The following CLPB variants were observed in gnomAD, a reference collection of about 807,000 sequenced individuals.
CLPB encodes the protein mitochondrial disaggregase.
In CLPB, 40 loss-of-function variants were observed where a neutral mutation model predicts 78.4. The ratio of observed to expected loss-of-function variants is 0.51; its 90% CI spans 0.40 to 0.66. The LOEUF is 0.66. CLPB is among the 30% of genes least tolerant of loss of function. The pLI, the probability that CLPB is intolerant of heterozygous loss-of-function variation, is 0.00. For missense variants in CLPB, 780 were observed against 886.9 expected (o/e 0.88, Z 1.53); for synonymous variants, 333 against 348.0 (o/e 0.96, Z 0.48).
At chr11:72,406,550 T>C (rs767579653) in intron 2 of CLPB, among the ~76,000 whole-genome samples, 1 of 152,190 alleles carries the variant, frequency 6.6e-6, no homozygotes, top group Non-Finnish European at 1.5e-5. Context: ...CCTTGGCATA[T>C]AGCAGGTATT....
rs147103556 is a variant in CLPB at position 72,314,724 on chromosome 11, C to T, written c.988+2382G>A. On this transcript the variant is annotated intron_variant, in intron 7 of 15. Transcript: ENST00000538039. ...GCTAAGTAAAAACCAGCCAGTGTGT[C>T]GGCAATGGGCTGGGGTGGGGTGGGG... 1.9e-3 allele frequency among the ~76,000 whole-genome samples: 287 copies of T among 150,336 alleles called. 1 individual carries two copies. Among genetic ancestry groups the T allele is most frequent in the African/African-American group, 6.5e-3 (270 of 41,264 alleles).
chr11:72,414,559 G>A (rs1041504281), intron 2 of CLPB, among the ~76,000 whole-genome samples: 1 of 152,194 alleles, frequency 6.6e-6, no homozygotes, highest in African/African-American at 2.4e-5. Context: ...TCGGGCAAAG[G>A]TGTGGCCTTC....
chr11:72,370,056 C>T (rs1317028788), intron 4 of CLPB, among the ~76,000 whole-genome samples: 2 of 152,140 alleles, frequency 1.3e-5, no homozygotes, highest in African/African-American at 4.8e-5. Flanking sequence ...TCACTAGGTG[C>T]CTGGAAAATT....
At chr11:72,302,085 T>C (rs1590764525) in intron 10 of CLPB, 121 bp from the exon 11 acceptor site, 1 of 1,137,684 alleles carries the variant, frequency 8.8e-7, no homozygotes, top group East Asian at 2.4e-5. Flanking sequence ...CAGAGATGAT[T>C]GGCTGTCCAT....
intron 6 of CLPB, among the ~76,000 whole-genome samples, chr11:72,320,846 G>T (rs1950031275): frequency 6.6e-6 from 1 of 152,042 alleles, no homozygotes; most frequent in Non-Finnish European, 1.5e-5. Flanking sequence ...CCAAGTAGCT[G>T]GGATTATAGG....
chr11:72,303,230 A>G (rs1013820647), intron 9 of CLPB, among the ~76,000 whole-genome samples: 1 of 152,192 alleles, frequency 6.6e-6, no homozygotes, highest in Non-Finnish European at 1.5e-5. Context: ...CTACTGGCAC[A>G]TGCCTCCATC....
intron 4 of CLPB, among the ~76,000 whole-genome samples, chr11:72,374,925 C>T (rs1467962116): frequency 6.6e-6 from 1 of 152,104 alleles, no homozygotes; most frequent in Non-Finnish European, 1.5e-5. Flanking sequence ...CTCCTAAATC[C>T]CTATCTCCTG....
chr11:72,318,250 G>T (rs1949984953), intron 6 of CLPB, among the ~76,000 whole-genome samples: 1 of 152,216 alleles, frequency 6.6e-6, no homozygotes, highest in African/African-American at 2.4e-5. Flanking sequence ...TTAACAGCTA[G>T]ATGGGGTGGT....
At chr11:72,424,954 T>A (rs1013253189) in intron 2 of CLPB, among the ~76,000 whole-genome samples, 3 of 152,010 alleles carry the variant, frequency 2.0e-5, no homozygotes, top group African/African-American at 7.2e-5. Context: ...CATGCACCTC[T>A]AATTCCAGCT....
chr11:72,294,203 G>T, intron 14 of CLPB, 77 bp from the exon 15 acceptor site: 1 of 1,603,180 alleles, frequency 6.2e-7, no homozygotes, highest in South Asian at 1.1e-5. Flanking sequence ...CCTGAGGCCA[G>T]GGCCACTGGC....
intron 3 of CLPB, among the ~76,000 whole-genome samples, chr11:72,389,496 G>A (rs190242339): frequency 6.6e-6 from 1 of 152,316 alleles, no homozygotes. Context: ...ATAAGGCTAG[G>A]TCTTCACGGT....
chr11:72,301,443 T>G (rs1372143734), intron 11 of CLPB, among the ~76,000 whole-genome samples: 1 of 152,180 alleles, frequency 6.6e-6, no homozygotes, highest in Non-Finnish European at 1.5e-5. Context: ...ACATGAGATC[T>G]CTGATGCCTA....
At chr11:72,308,669 C>A (rs1949789127) in intron 7 of CLPB, 65 bp from the exon 8 acceptor site, 1 of 1,391,698 alleles carries the variant, frequency 7.2e-7, no homozygotes, top group African/African-American at 1.4e-5. Flanking sequence ...ACACAAAAGG[C>A]AGGATAATTA....
intron 2 of CLPB, among the ~76,000 whole-genome samples, chr11:72,405,927 C>CAAAA (rs879763337): frequency 8.1e-6 from 1 of 124,144 alleles, no homozygotes. Flanking sequence ...GACTCTGTCT[C>CAAAA]AAAAAAAAAA....
intron 3 of CLPB, among the ~76,000 whole-genome samples, chr11:72,382,923 AG>A: frequency 6.6e-6 from 1 of 152,258 alleles, no homozygotes; most frequent in South Asian, 2.1e-4. Context: ...GTTTTAAGAA[AG>A]TTTAGCAAAC....
chr11:72,346,145 A>G (rs1467219955), intron 5 of CLPB, among the ~76,000 whole-genome samples: 8 of 152,188 alleles, frequency 5.3e-5, no homozygotes, highest in Admixed American at 4.6e-4. Flanking sequence ...ATGTAGGTGC[A>G]TAAGAATAGC....
chr11:72,301,898 T>A lies in CLPB; in HGVS notation c.1234A>T (p.Lys412Ter). 2 of 1,614,160 alleles carry A rather than the reference T, an allele frequency of 1.2e-6. No homozygotes were observed. Among genetic ancestry groups the A allele is most frequent in the Non-Finnish European group, 1.7e-6 (2 of 1,180,016 alleles). The change falls in exon 11 of 16, where the codon AAG becomes TAG. Residue 412 changes from lysine (K) to a stop codon, truncating the protein, a stop_gained. Transcript: ENST00000538039. LOFTEE classifies it high-confidence loss of function. ...ACAGCATTGGGGCACTGCTTCAACT[T>A]CTTGGTCAGCTGGCCACCCTCCTCA... ...GHEEGGQLTKKLKQCPNAVVL... is the reference protein window; with the variant it reads ...GHEEGGQLTK
At chr11:72,406,230 C>T (rs959268565) in intron 2 of CLPB, among the ~76,000 whole-genome samples, 3 of 152,270 alleles carry the variant, frequency 2.0e-5, no homozygotes, top group African/African-American at 7.2e-5. Context: ...CTAGGATAAA[C>T]TCAGAGTGAC....
At chr11:72,350,376 C>T (rs1292493260) in intron 5 of CLPB, among the ~76,000 whole-genome samples, 1 of 152,162 alleles carries the variant, frequency 6.6e-6, no homozygotes, top group African/African-American at 2.4e-5. Flanking sequence ...AGTGTAAATG[C>T]CATATGCTCA....
Sources: gnomAD v4.1 joint callset for allele counts (sites outside exome capture counted in the v4.1 genomes callset) on GRCh38, gnomAD v4.1.1 for gene constraint, MANE v1.5 for transcripts, NCBI Gene and HGNC (gene_info 2026-07-23, HGNC 2026-07-21) for gene names.